The following HIBADH variants were observed in gnomAD, a reference collection of about 807,000 sequenced individuals.
The protein encoded by HIBADH is 3-hydroxyisobutyrate dehydrogenase, mitochondrial.
Under a neutral mutation model 36.1 loss-of-function variants are expected in HIBADH, and 25 were observed. The ratio of observed to expected loss-of-function variants is 0.69; its 90% confidence interval spans 0.50 to 0.97. The LOEUF is 0.97. HIBADH is among the 50% of genes least tolerant of loss of function. The probability of loss-of-function intolerance (pLI) is 0.00; values close to 1 mark genes in which losing one functional copy is unlikely to be tolerated. For missense variants in HIBADH, 421 were observed against 418.0 expected, an observed-to-expected ratio of 1.01 and a Z score of -0.06; for synonymous variants, 160 against 149.5, an observed-to-expected ratio of 1.07 and a Z score of -0.51.
chr7:27,611,448 G>C (rs1785320253), intron 4 of HIBADH, among the ~76,000 whole-genome samples: 3 of 152,124 alleles, frequency 2.0e-5, no homozygotes, highest in Admixed American at 1.3e-4. Flanking sequence ...GACGAGAGCT[G>C]ATCAAGTTGG....
At chr7:27,536,834 T>TC (rs1784077520) in intron 6 of HIBADH, among the ~76,000 whole-genome samples, 1 of 152,112 alleles carries the variant, frequency 6.6e-6, no homozygotes, top group African/African-American at 2.4e-5. Context: ...AAGCACAGAG[T>TC]CAATGGGCAA....
intron 4 of HIBADH, among the ~76,000 whole-genome samples, chr7:27,609,817 A>G (rs1308808120): frequency 6.6e-6 from 1 of 151,928 alleles, no homozygotes; most frequent in Middle Eastern, 3.2e-3. Context: ...TTAAAAATTT[A>G]TTTATTTATT....
intron 7 of HIBADH, among the ~76,000 whole-genome samples, chr7:27,530,252 C>T (rs1783971984): frequency 6.6e-6 from 1 of 151,898 alleles, no homozygotes; most frequent in African/African-American, 2.4e-5. Flanking sequence ...GTTGCCCAGG[C>T]TGGAGTGCAA....
At chr7:27,541,170 T>C (rs1784145704) in intron 5 of HIBADH, among the ~76,000 whole-genome samples, 1 of 151,692 alleles carries the variant, frequency 6.6e-6, no homozygotes. Context: ...GGCACTTCTG[T>C]CTGCATTAAA....
chr7:27,571,315 C>G (rs1046548082), intron 4 of HIBADH, among the ~76,000 whole-genome samples: 1 of 151,980 alleles, frequency 6.6e-6, no homozygotes, highest in Non-Finnish European at 1.5e-5. Context: ...CTCTGCCTCC[C>G]AGGTTCAAGT....
At chr7:27,532,879 C>T (rs184534907) in intron 6 of HIBADH, among the ~76,000 whole-genome samples, 1 of 152,206 alleles carries the variant, frequency 6.6e-6, no homozygotes, top group East Asian at 1.9e-4. Context: ...TAGTATATCA[C>T]TTAGGAAAAG....
intron 7 of HIBADH, among the ~76,000 whole-genome samples, chr7:27,530,646 A>C (rs1783981672): frequency 6.6e-6 from 1 of 152,138 alleles, no homozygotes; most frequent in African/African-American, 2.4e-5. Flanking sequence ...GAGAACATAG[A>C]CTTTCTAAAG....
chr7:27,566,295 TTTTC>T (rs1784547764), intron 4 of HIBADH, among the ~76,000 whole-genome samples: 2 of 152,118 alleles, frequency 1.3e-5, no homozygotes, highest in African/African-American at 2.4e-5. Context: ...AGGCTTCTGT[TTTTC>T]TTTTTCAGAA....
intron 4 of HIBADH, among the ~76,000 whole-genome samples, chr7:27,561,210 A>C (rs878982140): frequency 2.6e-5 from 4 of 152,206 alleles, no homozygotes; most frequent in Admixed American, 2.6e-4. Context: ...ATTGGAAAAA[A>C]TTTAAGTTTT....
At chr7:27,585,518 C>T (rs1784849147) in intron 4 of HIBADH, among the ~76,000 whole-genome samples, 1 of 152,174 alleles carries the variant, frequency 6.6e-6, no homozygotes, top group Non-Finnish European at 1.5e-5. Flanking sequence ...GGAGACACTA[C>T]ATATATTTGC....
At chr7:27,601,060 T>C (rs777962169) in intron 4 of HIBADH, among the ~76,000 whole-genome samples, 2 of 152,184 alleles carry the variant, frequency 1.3e-5, no homozygotes, top group Admixed American at 6.5e-5. Context: ...GAAAATGTTA[T>C]AAACATCAGA....
chr7:27,529,214 T>TAA (rs986061798), intron 7 of HIBADH, among the ~76,000 whole-genome samples: 8 of 152,214 alleles, frequency 5.3e-5, no homozygotes. Flanking sequence ...GTTGTTTTCA[T>TAA]GTCTATGAAC....
At chr7:27,545,723 A>T (rs1784228209) in intron 4 of HIBADH, among the ~76,000 whole-genome samples, 1 of 152,212 alleles carries the variant, frequency 6.6e-6, no homozygotes, top group Non-Finnish European at 1.5e-5. Flanking sequence ...TTTATTAATT[A>T]TATATACAAA....
At chr7:27,532,857 A>C (rs1275680080) in intron 6 of HIBADH, among the ~76,000 whole-genome samples, 1 of 152,214 alleles carries the variant, frequency 6.6e-6, no homozygotes, top group Non-Finnish European at 1.5e-5. Context: ...TTAGGCTATC[A>C]GTATGCTACT....
At chr7:27,575,267 G>C (rs1784691194) in intron 4 of HIBADH, among the ~76,000 whole-genome samples, 1 of 152,180 alleles carries the variant, frequency 6.6e-6, no homozygotes. Flanking sequence ...AACCTGTCAT[G>C]GTGCTTCACA....
chr7:27,662,697 C>A lies in HIBADH; in HGVS notation c.91+1G>T, dbSNP rs1037046628. On this transcript the variant is annotated splice_donor_variant, in intron 1 of 7. Transcript: ENST00000265395. LOFTEE classifies it high-confidence loss of function. ...AGGGGGAGGAGGCGTGAGGTCCTTA[C>A]CCGCTGCAAAGCTGCCGGCTGCCGG... 3 of 1,353,200 alleles carry A rather than the reference C, an allele frequency of 2.2e-6. No homozygotes were observed. The highest frequency in any genetic ancestry group is 1.5e-5 in the African/African-American group (1 of 65,330). The allele number at this position is 1,353,200 out of a possible 1,614,324, so 83.8% of individuals were successfully genotyped here. A position where few individuals can be genotyped will look rare whatever the true frequency, so the allele number is the denominator to read the frequency against.
At chr7:27,615,531 A>C (rs1785410076) in intron 4 of HIBADH, among the ~76,000 whole-genome samples, 1 of 152,184 alleles carries the variant, frequency 6.6e-6, no homozygotes, top group Non-Finnish European at 1.5e-5. Context: ...GACAGGCTGC[A>C]TATACAACAC....
At chr7:27,588,638 G>A in intron 4 of HIBADH, among the ~76,000 whole-genome samples, 1 of 152,220 alleles carries the variant, frequency 6.6e-6, no homozygotes, top group South Asian at 2.1e-4. Context: ...GCCCAGTATA[G>A]AGTATTTTAA....
intron 2 of HIBADH, among the ~76,000 whole-genome samples, chr7:27,636,557 C>T (rs1243698586): frequency 1.3e-5 from 2 of 152,186 alleles, no homozygotes; most frequent in Non-Finnish European, 2.9e-5. Context: ...AAGAGATTTA[C>T]TTAAGCAAAC....
Sources: gnomAD v4.1 joint callset for allele counts (sites outside exome capture counted in the v4.1 genomes callset) on GRCh38, gnomAD v4.1.1 for gene constraint, MANE v1.5 for transcripts, NCBI Gene and HGNC (gene_info 2026-07-23, HGNC 2026-07-21) for gene names.